NFIA: variants seen among roughly 807,000 people sequenced by gnomAD.
The protein encoded by NFIA is nuclear factor 1 A-type.
In NFIA, 8 loss-of-function variants were observed where a neutral mutation model predicts 62.8. The ratio of observed to expected loss-of-function variants is 0.13; its 90% CI spans 0.07 to 0.23. The LOEUF (loss-of-function observed/expected upper bound fraction) is 0.23. Ranked by LOEUF, NFIA falls within the 10% of genes least tolerant of loss-of-function variation. The pLI, the probability that NFIA is intolerant of heterozygous loss-of-function variation, is 1.00. For synonymous variants in NFIA, 235 were observed against 238.1 expected (o/e 0.99, Z 0.12); for missense variants, 410 against 642.1 (o/e 0.64, Z 3.91).
At chr1:61,426,698 T>C (rs775864374) in intron 10 of NFIA, 142 bp downstream of exon 10, 8 of 676,524 alleles carry the variant, frequency 1.2e-5, no homozygotes, top group Non-Finnish European at 2.0e-5. Context: ...CAGCCACATT[T>C]CCATGTGTTC....
At chr1:61,327,476 A>G (rs1661014225) in intron 3 of NFIA, among the ~76,000 whole-genome samples, 3 of 152,044 alleles carry the variant, frequency 2.0e-5, no homozygotes, top group Non-Finnish European at 2.9e-5. Flanking sequence ...GCACACCCAT[A>G]GCTTAACTTC....
At chr1:61,211,570 C>A (rs1653258581) in intron 2 of NFIA, among the ~76,000 whole-genome samples, 1 of 152,166 alleles carries the variant, frequency 6.6e-6, no homozygotes. Context: ...TTTCAGAGAA[C>A]TTAAATAACT....
chr1:61,192,916 T>C (rs545823542), intron 2 of NFIA, among the ~76,000 whole-genome samples: 1 of 152,316 alleles, frequency 6.6e-6, no homozygotes, highest in African/African-American at 2.4e-5. Flanking sequence ...GAGGAGATGT[T>C]GCTCATTTTC....
At chr1:61,277,351 CCT>C (rs557613234) in intron 2 of NFIA, among the ~76,000 whole-genome samples, 167 bp from the exon 3 acceptor site, 1 of 152,150 alleles carries the variant, frequency 6.6e-6, no homozygotes, top group Non-Finnish European at 1.5e-5. Flanking sequence ...GCTGCATTTC[CCT>C]CTCTTTCTTT....
intron 2 of NFIA, among the ~76,000 whole-genome samples, chr1:61,105,826 A>T (rs938575835): frequency 4.6e-5 from 7 of 151,844 alleles, no homozygotes; most frequent in South Asian, 2.1e-4. Context: ...CATACTTTTT[A>T]AAAAAAGAAT....
intron 2 of NFIA, among the ~76,000 whole-genome samples, chr1:61,145,147 T>A (rs1647834170): frequency 6.6e-6 from 1 of 152,178 alleles, no homozygotes; most frequent in Non-Finnish European, 1.5e-5. Flanking sequence ...GAATCAGACC[T>A]CCACCTATTT....
At chr1:61,127,908 G>T (rs1647003960) in intron 2 of NFIA, among the ~76,000 whole-genome samples, 2 of 152,104 alleles carry the variant, frequency 1.3e-5, no homozygotes, top group African/African-American at 4.8e-5. Context: ...GAATATCTCT[G>T]TAAGCCCAGA....
chr1:61,304,365 A>G (rs1209754401), intron 3 of NFIA, among the ~76,000 whole-genome samples: 1 of 152,228 alleles, frequency 6.6e-6, no homozygotes, highest in Admixed American at 6.5e-5. Context: ...GTTGTCCTCT[A>G]AAGCAAAAGC....
intron 6 of NFIA, among the ~76,000 whole-genome samples, chr1:61,377,525 T>A (rs1295680876): frequency 1.3e-5 from 2 of 152,172 alleles, no homozygotes; most frequent in Non-Finnish European, 2.9e-5. Context: ...ACTATCCAAG[T>A]CATGAACAAT....
intron 3 of NFIA, among the ~76,000 whole-genome samples, chr1:61,307,168 TC>T (rs1659846278): frequency 6.6e-6 from 1 of 152,048 alleles, no homozygotes; most frequent in South Asian, 2.1e-4. Flanking sequence ...AATGTTTGTG[TC>T]CCCCCAAAAT....
chr1:61,300,748 A>ATATGTATG, intron 3 of NFIA, among the ~76,000 whole-genome samples: 1 of 152,028 alleles, frequency 6.6e-6, no homozygotes, highest in Non-Finnish European at 1.5e-5. Context: ...TGTAAGCTCG[A>ATATGTATG]TATGTATGTA....
At chr1:61,264,653 CAAAAAAAAAAAAAAAAA>C (rs1165980251) in intron 2 of NFIA, among the ~76,000 whole-genome samples, 2 of 60,742 alleles carry the variant, frequency 3.3e-5, no homozygotes, top group African/African-American at 1.1e-4. Flanking sequence ...CTCCACCTTA[CAAAAAAAAAAAAAAAAA>C]AAAAAAAAAA....
At chr1:61,310,746 C>G (rs1660057580) in intron 3 of NFIA, among the ~76,000 whole-genome samples, 1 of 105,912 alleles carries the variant, frequency 9.4e-6, no homozygotes, top group East Asian at 2.3e-4. Context: ...CTCATCCCCT[C>G]CTCCTGCTTC....
chr1:61,305,143 G>C (rs1170554941), intron 3 of NFIA, among the ~76,000 whole-genome samples: 1 of 152,148 alleles, frequency 6.6e-6, no homozygotes, highest in Admixed American at 6.5e-5. Flanking sequence ...GTGAAAAGCA[G>C]TAACCCCTTA....
intron 2 of NFIA, among the ~76,000 whole-genome samples, chr1:61,259,962 G>A (rs150029434): frequency 1.9e-3 from 293 of 152,268 alleles, no homozygotes; most frequent in African/African-American, 6.5e-3. Context: ...TCATTCCTTA[G>A]GCTGAGGGAC....
chr1:61,136,254 A>AT (rs2100497684), intron 2 of NFIA, among the ~76,000 whole-genome samples: 1 of 152,276 alleles, frequency 6.6e-6, no homozygotes, highest in East Asian at 1.9e-4. Flanking sequence ...TAATAAAGCT[A>AT]TTTTTCCTGA....
intron 2 of NFIA, among the ~76,000 whole-genome samples, chr1:61,101,457 TG>T (rs1646507458): frequency 6.6e-6 from 1 of 151,920 alleles, no homozygotes; most frequent in Non-Finnish European, 1.5e-5. Context: ...GAAAGCTGGT[TG>T]TGCACAGAAA....
At chr1:61,350,385 C>A (rs1662482588) in intron 4 of NFIA, among the ~76,000 whole-genome samples, 1 of 151,978 alleles carries the variant, frequency 6.6e-6, no homozygotes, top group South Asian at 2.1e-4. Flanking sequence ...AATCCCAGTG[C>A]TTTGGGAGGC....
chr1:61,201,520 CAAA>C (rs200763519), intron 2 of NFIA, among the ~76,000 whole-genome samples: 15 of 92,328 alleles, frequency 1.6e-4, no homozygotes, highest in African/African-American at 5.1e-4. Context: ...AACTAAAAAA[CAAA>C]AAAAAAAAAG....
Sources: allele counts gnomAD v4.1 joint callset (sites outside exome capture counted in the v4.1 genomes callset), GRCh38; gene constraint gnomAD v4.1.1; transcripts MANE v1.5; gene names NCBI Gene and HGNC (gene_info 2026-07-23, HGNC 2026-07-21).